The following CACNG7 variants were observed in gnomAD, a reference collection of about 807,000 sequenced individuals.
CACNG7 encodes the protein voltage-dependent calcium channel gamma-7 subunit.
CACNG7 carries 9 observed loss-of-function variants against 26.3 expected under a neutral mutation model. That is an observed-to-expected ratio of 0.34 (90% CI 0.21 to 0.60). The LOEUF (loss-of-function observed/expected upper bound fraction) is 0.60. CACNG7 is among the 20% of genes least tolerant of loss of function. The pLI is 0.81. For synonymous variants in CACNG7, 170 were observed against 157.0 expected (o/e 1.08, Z -0.62); for missense variants, 297 against 380.4 (o/e 0.78, Z 1.82).
At chr19:53,935,632 G>GTTTTT (rs751162910) in intron 4 of CACNG7, among the ~76,000 whole-genome samples, 1 of 27,560 alleles carries the variant, frequency 3.6e-5, no homozygotes, top group Non-Finnish European at 7.0e-5. Flanking sequence ...CTCCAATACT[G>GTTTTT]TCTTTTTTTT....
In CACNG7 at chr19:53,936,879, G is replaced by A. The variant is rs147856035; in HGVS notation, c.425-4591G>A. ...CCACCTTGGCCTCCCAAAATGCAGA[G>A]ATTATAGGCATGAGCCACCGTGCCC... On this transcript the variant is annotated intron_variant, in intron 4 of 5. Transcript: ENST00000391767. 9.5e-3 allele frequency among the ~76,000 whole-genome samples: 1,444 copies of A among 152,126 alleles called. 16 individuals carry two copies. The highest frequency in any genetic ancestry group is 0.032 in the South Asian group (156 of 4,818).
intron 4 of CACNG7, among the ~76,000 whole-genome samples, chr19:53,923,011 C>CCCCAGGCCTGGTCATTGGTGCAGTTGT (rs1568775871): frequency 2.1e-5 from 2 of 97,094 alleles, no homozygotes; most frequent in African/African-American, 5.8e-5. Flanking sequence ...GGTGCAGTTG[C>CCCCAGGCCTGGTCATTGGTGCAGTTGT]CCCAGGCCTG....
Position 53,942,643 on chromosome 19 carries a change from C to G in CACNG7, c.*350C>G. 5 of 1,065,588 alleles carry G rather than the reference C, an allele frequency of 4.7e-6. No homozygotes were observed. The highest frequency in any genetic ancestry group is 5.8e-6 in the Non-Finnish European group (5 of 858,120). 66.0% of individuals were successfully genotyped at this position (1,065,588 alleles called of 1,614,324 possible). A position where few individuals can be genotyped will look rare whatever the true frequency, so the allele number is the denominator to read the frequency against. ...TGGGAGCAGCCAGAGGCGGTGCAAG[C>G]GCCCAGCTCCCCAGAGCTCCCCAAC... On this transcript the variant is annotated 3_prime_UTR_variant, in exon 6 of 6. Transcript: ENST00000391767. This position sits in a 1 kb window ranked among gnomAD's most constrained non-coding sequence, Gnocchi z 5.9.
intron 4 of CACNG7, 144 bp downstream of exon 4, chr19:53,915,649 A>G (rs2068892497): frequency 6.4e-6 from 6 of 943,650 alleles, no homozygotes; most frequent in Non-Finnish European, 9.4e-6. Context: ...TCTATGTGCA[A>G]TGGAAATAGC....
chr19:53,928,485 G>C lies in CACNG7; in HGVS notation c.424+12980G>C, dbSNP rs146810683. On this transcript the variant is annotated intron_variant, in intron 4 of 5. Coordinates refer to ENST00000391767, the MANE Select transcript of CACNG7 (RefSeq NM_031896.5). ...AGACGGGGTTTCACCATGTTGGCCA[G>C]GCTGGTCTCGAACTCCTGACCTCAA... Among the ~76,000 whole-genome samples the C allele has an allele frequency of 7.9e-3, 1,202 of 152,084 alleles. 16 individuals carry two copies. The highest frequency in any genetic ancestry group is 0.027 in the African/African-American group (1,135 of 41,484).
At chr19:53,911,733 G>A (rs1395174214) in intron 1 of CACNG7, among the ~76,000 whole-genome samples, 4 of 152,198 alleles carry the variant, frequency 2.6e-5, no homozygotes, top group East Asian at 3.9e-4. Flanking sequence ...CAGGCAGCTC[G>A]CGGTCAAACC....
At chr19:53,918,792 G>A (rs2068914998) in intron 4 of CACNG7, among the ~76,000 whole-genome samples, 1 of 152,076 alleles carries the variant, frequency 6.6e-6, no homozygotes, top group Non-Finnish European at 1.5e-5. Flanking sequence ...TTTTGAGATG[G>A]AGTTTCGCTC....
intron 4 of CACNG7, among the ~76,000 whole-genome samples, chr19:53,922,514 C>T (rs543056407): frequency 4.5e-5 from 4 of 88,832 alleles, no homozygotes; most frequent in Admixed American, 9.8e-5. Context: ...CAGGTCTGGT[C>T]ATTGGTGGAG....
At chr19:53,919,409 G>T (rs2068920819) in intron 4 of CACNG7, among the ~76,000 whole-genome samples, 1 of 151,012 alleles carries the variant, frequency 6.6e-6, no homozygotes, top group Non-Finnish European at 1.5e-5. Flanking sequence ...CCCAGGCCTG[G>T]TCATTGGTGG....
chr19:53,929,263 TGA>T (rs369766259), intron 4 of CACNG7, among the ~76,000 whole-genome samples: 4 of 150,444 alleles, frequency 2.7e-5, no homozygotes, highest in South Asian at 2.1e-4. Context: ...CCCTGATGGA[TGA>T]GAGAGAGAGA....
In CACNG7 at chr19:53,912,483, G is replaced by T. The variant is rs764229825; in HGVS notation, c.-29-320G>T. Among the ~76,000 whole-genome samples, 3 of 152,152 alleles carry T rather than the reference G, an allele frequency of 2.0e-5. No homozygotes were observed. The highest frequency in any genetic ancestry group is 4.4e-5 in the Non-Finnish European group (3 of 68,030). On this transcript the variant is annotated intron_variant, in intron 1 of 5. Transcript: ENST00000391767. The surrounding 1 kb of genome is among the most constrained non-coding windows in gnomAD (Gnocchi z 4.6). The stretch of plus-strand genomic sequence containing the variant: ...GTATTTGGGACCCAGGTCCAAACAC[G>T]GTTGGAGCCAAGATTCAATCTCTGG...
In CACNG7 at chr19:53,923,400, T is replaced by TC. The variant is rs71191712; in HGVS notation, c.424+7895_424+7896insC. Among the ~76,000 whole-genome samples, 390 of 105,336 alleles carry TC rather than the reference T, an allele frequency of 3.7e-3. 2 individuals carry two copies. The highest frequency in any genetic ancestry group is 0.016 in the African/African-American group (355 of 22,890). 69.1% of individuals were successfully genotyped at this position (105,336 alleles called of 152,430 possible). On this transcript the variant is annotated intron_variant, in intron 4 of 5. Transcript: ENST00000391767. Reference sequence around the variant, plus strand: ...TTGGTGGAGTTGTCCCCAGGTCTGGTATTGGTGGAGTTGTCCCCAGGTCTG... The same window carrying TC: ...TTGGTGGAGTTGTCCCCAGGTCTGGTCATTGGTGGAGTTGTCCCCAGGTCTG...
chr19:53,923,733 G>C (rs1200007483), intron 4 of CACNG7, among the ~76,000 whole-genome samples: 8 of 118,108 alleles, frequency 6.8e-5, no homozygotes, highest in African/African-American at 3.6e-4. Context: ...CATTGGTGGA[G>C]TTGCCCCAGG....
chr19:53,941,165 C>T (rs541556358), intron 4 of CACNG7, among the ~76,000 whole-genome samples: 1 of 152,190 alleles, frequency 6.6e-6, no homozygotes, highest in Non-Finnish European at 1.5e-5. Flanking sequence ...CTTCCAGAGT[C>T]CCACACAGCG....
At chr19:53,917,793 T>A (rs2068908221) in intron 4 of CACNG7, among the ~76,000 whole-genome samples, 2 of 152,180 alleles carry the variant, frequency 1.3e-5, no homozygotes, top group South Asian at 4.1e-4. Context: ...GTCCCATTGT[T>A]TGCGGTTCAC....
chr19:53,940,297 T>C lies in CACNG7; in HGVS notation c.425-1173T>C, dbSNP rs1468673134. On this transcript the variant is annotated intron_variant, in intron 4 of 5. Transcript: ENST00000391767. This position sits in a 1 kb window ranked among gnomAD's most constrained non-coding sequence, Gnocchi z 4.1. ...AAAATGTACCTCCTTCAAAGAGGTGTTGTGAAGTTTGAATGAATGTATATA... is the reference window on the plus strand; with the variant it reads ...AAAATGTACCTCCTTCAAAGAGGTGCTGTGAAGTTTGAATGAATGTATATA... Among the ~76,000 whole-genome samples the C allele has an allele frequency of 6.6e-6, 1 of 152,178 alleles. No homozygotes were observed. Among genetic ancestry groups the C allele is most frequent in the Non-Finnish European group, 1.5e-5 (1 of 68,026 alleles).
intron 4 of CACNG7, 71 bp from the exon 5 acceptor site, chr19:53,941,399 G>A: frequency 1.2e-5 from 18 of 1,455,284 alleles, no homozygotes; most frequent in Non-Finnish European, 1.6e-5. Flanking sequence ...GGGGAAGGCA[G>A]TGAGGTGGGG....
chr19:53,926,237 G>A (rs114835582), intron 4 of CACNG7, among the ~76,000 whole-genome samples: 4,129 of 152,176 alleles, frequency 0.027, 161 homozygotes, highest in African/African-American at 0.089. Context: ...GTCCTCCAAC[G>A]TCTTCTATGA....
intron 4 of CACNG7, among the ~76,000 whole-genome samples, chr19:53,919,606 GTTGCCCCAGGCTGGTCATTGGTGGAC>G (rs2068923426): frequency 1.7e-5 from 2 of 121,138 alleles, no homozygotes; most frequent in Admixed American, 8.3e-5. Flanking sequence ...CATTGGTGGA[GTTGCCCCAGGCTGGTCATTGGTGGAC>G]TTGCCCCAGG....
Sources: gnomAD v4.1 joint callset for allele counts (sites outside exome capture counted in the v4.1 genomes callset) on GRCh38, gnomAD v4.1.1 for gene constraint, Gnocchi (gnomAD v3.1) non-coding constraint, MANE v1.5 for transcripts, NCBI Gene and HGNC (gene_info 2026-07-23, HGNC 2026-07-21) for gene names.